BTBD16: variants seen among roughly 807,000 people sequenced by gnomAD.
The protein encoded by BTBD16 is BTB/POZ domain-containing protein 16.
Under a neutral mutation model 67.4 loss-of-function variants are expected in BTBD16, and 66 were observed. The ratio of observed to expected loss-of-function variants is 0.98; its 90% CI spans 0.80 to 1.20. The LOEUF is 1.20. Among genes scored for constraint, BTBD16 ranks in the 50% most tolerant of loss-of-function variants. The pLI is 0.00. For synonymous variants in BTBD16, 242 were observed against 236.4 expected (o/e 1.02, Z -0.22); for missense variants, 634 against 616.0 (o/e 1.03, Z -0.31).
rs1367563614 is a variant in BTBD16, at chr10:122,328,054, C to T, written c.912-1426C>T. Among the ~76,000 whole-genome samples the T allele has an allele frequency of 5.9e-5, 9 of 152,208 alleles. No individual in the cohort carries two copies. In the East Asian group the frequency reaches 1.7e-3, roughly 29 times the overall value. On this transcript the variant is annotated intron_variant, in intron 10 of 15. Coordinates refer to ENST00000260723, the MANE Select transcript of BTBD16 (RefSeq NM_144587.5). ...CTAGGGAGGACGGCGTCAGCTTGGC[C>T]CCTTCTTGCCCCTTGGAACCTGCTG...
At chr10:122,306,718 G>A (rs1397018820) in intron 9 of BTBD16, among the ~76,000 whole-genome samples, 2 of 152,154 alleles carry the variant, frequency 1.3e-5, no homozygotes. Context: ...CTATTTTAGT[G>A]TAATATATTA....
intron 10 of BTBD16, among the ~76,000 whole-genome samples, chr10:122,308,251 G>A (rs1017721125): frequency 6.6e-6 from 1 of 152,190 alleles, no homozygotes; most frequent in East Asian, 1.9e-4. Context: ...GGGAGTTAAG[G>A]TGTGGGCCCC....
At chr10:122,312,302 T>C (rs10887123) in intron 10 of BTBD16, among the ~76,000 whole-genome samples, 5,803 of 139,420 alleles carry the variant, frequency 0.042, 350 homozygotes, top group East Asian at 0.24. Flanking sequence ...CTTTTCTTTT[T>C]CTTTTTCTTT....
intron 9 of BTBD16, among the ~76,000 whole-genome samples, chr10:122,301,912 G>A (rs568443716): frequency 1.3e-4 from 20 of 152,298 alleles, no homozygotes; most frequent in Non-Finnish European, 2.1e-4. Flanking sequence ...TGCACCCCTC[G>A]TCGTTGGTCA....
Position 122,307,260 on chromosome 10 carries a change from A to G in BTBD16, c.863A>G (p.Lys288Arg), listed in dbSNP as rs762725551. Residue 288 changes from lysine to arginine, a missense_variant, in exon 10 of 16, where the codon AAG becomes AGG. Coordinates refer to ENST00000260723, the MANE Select transcript of BTBD16 (RefSeq NM_144587.5). ...LLWVFLQLNY[K>R]IQAIPTYETV... Reference sequence around the variant, plus strand: ...TGGGTCTTCTTGCAACTGAACTACAAGATTCAGGCAATTCCGACTTATGAA... The same window carrying G: ...TGGGTCTTCTTGCAACTGAACTACAGGATTCAGGCAATTCCGACTTATGAA... 1 of 1,610,362 alleles carries G rather than the reference A, an allele frequency of 6.2e-7. No individual in the cohort carries two copies. Among genetic ancestry groups the G allele is most frequent in the Non-Finnish European group, 8.5e-7 (1 of 1,178,930 alleles).
Position 122,334,991 on chromosome 10 carries a change from G to A in BTBD16, c.1263+12G>A, listed in dbSNP as rs759381193. 6 of 1,255,700 alleles carry A rather than the reference G, an allele frequency of 4.8e-6. No individual in the cohort carries two copies. In the East Asian group the frequency reaches 1.2e-4, roughly 25 times the overall value. 77.8% of individuals were successfully genotyped at this position (1,255,700 alleles called of 1,614,324 possible). On this transcript the variant is annotated intron_variant, in intron 14 of 15. Transcript: ENST00000260723. ...GTTTTTACATGCAGGTAAGGATAGA[G>A]TGCATGAAAGTTATGTCTCTGAGAC...
At chr10:122,290,351 C>T (rs2096371656) in intron 6 of BTBD16, among the ~76,000 whole-genome samples, 1 of 152,180 alleles carries the variant, frequency 6.6e-6, no homozygotes, top group African/African-American at 2.4e-5. Context: ...CCCAGCCTTG[C>T]TCCCAAATAA....
At chr10:122,331,132 G>T (rs775147488) in intron 11 of BTBD16, 44 bp from the exon 12 acceptor site, 1 of 1,596,904 alleles carries the variant, frequency 6.3e-7, no homozygotes, top group Non-Finnish European at 8.5e-7. Flanking sequence ...TGAGGCTCTG[G>T]TGTGAATAAA....
At chr10:122,294,829 G>A (rs761285795) in intron 7 of BTBD16, among the ~76,000 whole-genome samples, 17 of 152,374 alleles carry the variant, frequency 1.1e-4, no homozygotes, top group Non-Finnish European at 1.9e-4. Context: ...TGAGGAAGGG[G>A]AAGCATAAGA....
Position 122,307,224 on chromosome 10 carries a change from C to A in BTBD16, c.827C>A (p.Thr276Lys). The change falls in exon 10 of 16, where the codon ACA becomes AAA. Residue 276 changes from threonine to lysine, a missense_variant. Coordinates refer to ENST00000260723, the MANE Select transcript of BTBD16 (RefSeq NM_144587.5). ...FTFSEFHLLK[T>K]MLLWVFLQLN... ...TTTAGTGAATTCCATCTTCTGAAAA[C>A]AATGCTTTTGTGGGTCTTCTTGCAA... 6.2e-7 allele frequency: 1 copy of A among 1,610,042 alleles called. No homozygotes were observed. The highest frequency in any genetic ancestry group is 8.5e-7 in the Non-Finnish European group (1 of 1,178,936).
Position 122,275,143 on chromosome 10 carries a change from C to A in BTBD16, c.18+44C>A, listed in dbSNP as rs780300597. 24 of 1,588,298 alleles carry A rather than the reference C, an allele frequency of 1.5e-5. No individual in the cohort carries two copies. The Admixed American group carries it at 3.8e-4, about 25-fold the overall frequency. ...CAAGAAGGTAGGTGATGAGAAGAAGCATTTGCTTATGGTCATTTTGACAAA... is the reference window on the plus strand; with the variant it reads ...CAAGAAGGTAGGTGATGAGAAGAAGAATTTGCTTATGGTCATTTTGACAAA... On this transcript the variant is annotated intron_variant, in intron 2 of 15. Transcript: ENST00000260723.
chr10:122,302,972 G>A (rs780706779), intron 9 of BTBD16, among the ~76,000 whole-genome samples: 2 of 152,056 alleles, frequency 1.3e-5, no homozygotes, highest in Non-Finnish European at 2.9e-5. Flanking sequence ...TCTGCATGAG[G>A]CCTTCTTTTT....
At chr10:122,329,647 G>T (rs1162140248) in intron 11 of BTBD16, 76 bp downstream of exon 11, 3 of 1,241,146 alleles carry the variant, frequency 2.4e-6, no homozygotes, top group African/African-American at 2.9e-5. Context: ...ACTGCCGGGG[G>T]AGCCCCACCT....
intron 4 of BTBD16, 72 bp from the exon 5 acceptor site, chr10:122,286,033 G>A (rs2096362994): frequency 7.0e-6 from 10 of 1,433,088 alleles, no homozygotes; most frequent in Non-Finnish European, 7.7e-6. Flanking sequence ...GGAGCTGGGG[G>A]AGAGGAAGCT....
intron 9 of BTBD16, among the ~76,000 whole-genome samples, chr10:122,306,494 G>C (rs1220524857): frequency 2.0e-5 from 3 of 152,216 alleles, no homozygotes; most frequent in Admixed American, 2.0e-4. Flanking sequence ...CTGCGGGGCA[G>C]TTAAGCAACT....
In BTBD16 at chr10:122,322,789, A is replaced by G. The variant is rs902562313; in HGVS notation, c.912-6691A>G. Among the ~76,000 whole-genome samples the G allele has an allele frequency of 2.6e-5, 4 of 152,138 alleles. No homozygotes were observed. The South Asian group carries it at 8.3e-4, about 32-fold the overall frequency. On this transcript the variant is annotated intron_variant, in intron 10 of 15. Coordinates refer to ENST00000260723, the MANE Select transcript of BTBD16 (RefSeq NM_144587.5). ...CTAGAGTGATCCACTGTGCCTCCAC[A>G]CTTGGCTCAGTTATCCCCAAGGAAA...
rs142885568 is a variant in BTBD16, at chr10:122,310,969, G to A, written c.911+3661G>A. Among the ~76,000 whole-genome samples the A allele has an allele frequency of 1.1e-3, 169 of 152,280 alleles. 2 individuals are homozygous for A. The Middle Eastern group carries it at 0.02, about 18-fold the overall frequency. On this transcript the variant is annotated intron_variant, in intron 10 of 15. Transcript: ENST00000260723. ...GCCATTAACTGAGTAAAATGAGTCA[G>A]ACGCCCCTTTCCTCATCTGTCTCAG...
chr10:122,287,622 C>A, intron 5 of BTBD16: 1 of 274,750 alleles, frequency 3.6e-6, no homozygotes, highest in Non-Finnish European at 5.5e-6. Flanking sequence ...CTTCATGTGC[C>A]TTTAAAAGCG....
At position 122,287,013 on chromosome 10, in the gene BTBD16, C is replaced by T. The variant is rs536940106; in HGVS notation, c.385+765C>T. 9.2e-5 allele frequency among the ~76,000 whole-genome samples: 14 copies of T among 152,304 alleles called. No individual in the cohort carries two copies. The South Asian group carries it at 2.7e-3, about 29-fold the overall frequency. ...TATTTCCAAGACATGACAGCAAAGCCCTGTTATTCTAGAGCCAGACAGGCA... is the reference window on the plus strand; with the variant it reads ...TATTTCCAAGACATGACAGCAAAGCTCTGTTATTCTAGAGCCAGACAGGCA... On this transcript the variant is annotated intron_variant, in intron 5 of 15. Transcript: ENST00000260723.
Sources: allele counts gnomAD v4.1 joint callset (sites outside exome capture counted in the v4.1 genomes callset), GRCh38; gene constraint gnomAD v4.1.1; transcripts MANE v1.5; gene names NCBI Gene and HGNC (gene_info 2026-07-23, HGNC 2026-07-21).